Variants in KCNG2 observed in about 807,000 individuals in gnomAD.
The protein encoded by KCNG2 is potassium voltage-gated channel modifier subfamily G member 2.
Under a neutral mutation model 12.3 loss-of-function variants are expected in KCNG2, and 7 were observed. That is an observed-to-expected ratio of 0.57 (90% CI 0.32 to 1.07). The LOEUF is 1.07. KCNG2 is among the 50% of genes least tolerant of loss of function. The pLI is 0.04. For missense variants in KCNG2, 703 were observed against 726.0 expected, an observed-to-expected ratio of 0.97 and a Z score of 0.36; for synonymous variants, 414 against 351.4, an observed-to-expected ratio of 1.18 and a Z score of -1.99.
intron 1 of KCNG2, among the ~76,000 whole-genome samples, chr18:79,848,424 C>T (rs1449920673): frequency 1.3e-5 from 2 of 152,330 alleles, no homozygotes; most frequent in East Asian, 3.9e-4. Context: ...GCTCCTGCAG[C>T]ACCGGCCATC....
intron 3 of KCNG2, among the ~76,000 whole-genome samples, chr18:79,887,785 T>C (rs1046988240): frequency 1.3e-5 from 2 of 150,870 alleles, no homozygotes; most frequent in Non-Finnish European, 3.0e-5. Context: ...GCTCGGGGGG[T>C]GGCTCCCCCA....
intron 1 of KCNG2, among the ~76,000 whole-genome samples, chr18:79,851,472 G>A (rs572300683): frequency 1.3e-5 from 2 of 152,298 alleles, no homozygotes; most frequent in East Asian, 3.9e-4. Context: ...GAGTAGCTCC[G>A]GCTGGAGCGC....
rs188051162 is a variant in KCNG2 at position 79,882,597 on chromosome 18, A to G, written c.625-16443A>G. Among the ~76,000 whole-genome samples, 30 of 152,394 alleles carry G rather than the reference A, an allele frequency of 2.0e-4. 1 individual carries two copies. In the East Asian group the frequency reaches 5.6e-3, roughly 28 times the overall value. ...AGCGCTGAACTGTTATTAGGGAAAT[A>G]CAGAGTTAAGCCACAGGAGCTGTCA... On this transcript the variant is annotated intron_variant, in intron 3 of 3. Transcript: ENST00000316249.
At chr18:79,810,084 G>A (rs1193715695) in intron 1 of KCNG2, among the ~76,000 whole-genome samples, 3 of 152,216 alleles carry the variant, frequency 2.0e-5, no homozygotes, top group African/African-American at 7.2e-5. Context: ...CCTCGAGGGA[G>A]CATCCCTCAG....
chr18:79,827,630 G>A (rs1338560513), intron 1 of KCNG2, among the ~76,000 whole-genome samples: 4 of 152,258 alleles, frequency 2.6e-5, no homozygotes, highest in African/African-American at 9.6e-5. Flanking sequence ...CGGGAAGCGC[G>A]GGGAGAAGAG....
At chr18:79,850,625 C>T (rs1452278321) in intron 1 of KCNG2, among the ~76,000 whole-genome samples, 9 of 152,174 alleles carry the variant, frequency 5.9e-5, no homozygotes, top group Admixed American at 5.9e-4. Flanking sequence ...TCTTTCCCCT[C>T]GATTCTGTTA....
chr18:79,837,401 A>T (rs952535023), intron 1 of KCNG2, among the ~76,000 whole-genome samples: 1 of 152,134 alleles, frequency 6.6e-6, no homozygotes, highest in African/African-American at 2.4e-5. Flanking sequence ...TGGAGGATCT[A>T]CCATTCTGGG....
chr18:79,853,773 C>T (rs533267536), intron 1 of KCNG2, among the ~76,000 whole-genome samples: 18 of 152,364 alleles, frequency 1.2e-4, no homozygotes, highest in African/African-American at 3.4e-4. Context: ...AAAGCCTCAA[C>T]ATCTGTGCTG....
chr18:79,860,767 T>C (rs992196027), intron 2 of KCNG2, among the ~76,000 whole-genome samples: 1 of 152,192 alleles, frequency 6.6e-6, no homozygotes, highest in African/African-American at 2.4e-5. Flanking sequence ...CAAAATATAG[T>C]TTTACTTTTT....
At chr18:79,861,024 G>A (rs1290915401) in intron 2 of KCNG2, among the ~76,000 whole-genome samples, 6 of 152,146 alleles carry the variant, frequency 3.9e-5, no homozygotes, top group Admixed American at 3.9e-4. Flanking sequence ...TGTTTAATCA[G>A]GAAAGGATGT....
chr18:79,856,329 C>T (rs949670119), intron 1 of KCNG2, among the ~76,000 whole-genome samples, 50 bp from the exon 2 acceptor site: 1 of 152,186 alleles, frequency 6.6e-6, no homozygotes, highest in East Asian at 1.9e-4. Flanking sequence ...GCAGTAATAA[C>T]GCAGGTGACT....
Position 79,863,945 on chromosome 18 carries a change from T to A in KCNG2, c.278T>A (p.Leu93Gln). 1 of 1,328,616 alleles carries A rather than the reference T, an allele frequency of 7.5e-7. No individual in the cohort carries two copies. The allele number at this position is 1,328,616 out of a possible 1,614,324, so 82.3% of individuals were successfully genotyped here. ...ALLRAGKLRL[L>Q]RGPCALAFRD... ...TTGCGCGCAGGGAAGCTGCGACTGC[T>A]GCGGGGCCCGTGCGCGCTGGCCTTC... The change falls in exon 3 of 4, where the codon CTG (leucine) becomes CAG (glutamine). Residue 93 changes from leucine (L) to glutamine (Q), a missense_variant. Leu to Gln is a moderately radical substitution (Grantham distance 113). Coordinates refer to ENST00000316249, the MANE Select transcript of KCNG2 (RefSeq NM_012283.2).
intron 1 of KCNG2, among the ~76,000 whole-genome samples, 109 bp from the exon 2 acceptor site, chr18:79,856,270 G>T (rs1186197464): frequency 6.6e-6 from 1 of 152,198 alleles, no homozygotes; most frequent in Non-Finnish European, 1.5e-5. Flanking sequence ...AGCCTGGTGT[G>T]TGTGCTCGCG....
intron 3 of KCNG2, among the ~76,000 whole-genome samples, chr18:79,872,909 CCT>C (rs1411525549): frequency 1.3e-5 from 2 of 152,354 alleles, no homozygotes; most frequent in African/African-American, 4.8e-5. Flanking sequence ...CGTGTGGCCC[CCT>C]GTGTGGCGGC....
intron 3 of KCNG2, among the ~76,000 whole-genome samples, chr18:79,865,513 C>G (rs1470662582): frequency 4.7e-5 from 3 of 63,768 alleles, no homozygotes; most frequent in African/African-American, 1.5e-4. Flanking sequence ...GCTGAGAGGT[C>G]TGGGTGCTGA....
At chr18:79,821,690 C>T (rs1438520387) in intron 1 of KCNG2, among the ~76,000 whole-genome samples, 1 of 152,144 alleles carries the variant, frequency 6.6e-6, no homozygotes, top group East Asian at 1.9e-4. Flanking sequence ...GGAAGGGCCT[C>T]CTTCCTGAAT....
chr18:79,877,911 T>C (rs1252280143), intron 3 of KCNG2, among the ~76,000 whole-genome samples: 1 of 152,204 alleles, frequency 6.6e-6, no homozygotes, highest in Admixed American at 6.5e-5. Context: ...CTGGCCCCAC[T>C]CCATCCTCCA....
At chr18:79,891,571 G>A (rs117487629) in intron 3 of KCNG2, among the ~76,000 whole-genome samples, 1 of 152,246 alleles carries the variant, frequency 6.6e-6, no homozygotes, top group Non-Finnish European at 1.5e-5. Context: ...GTTTGGATAC[G>A]TTGTGTCTTC....
chr18:79,850,578 C>A (rs1449355316), intron 1 of KCNG2, among the ~76,000 whole-genome samples: 2 of 152,170 alleles, frequency 1.3e-5, no homozygotes, highest in African/African-American at 2.4e-5. Context: ...ATGTTATTTT[C>A]TTTTCTGATC....
Sources: gnomAD v4.1 joint callset for allele counts (sites outside exome capture counted in the v4.1 genomes callset) on GRCh38, gnomAD v4.1.1 for gene constraint, MANE v1.5 for transcripts, NCBI Gene and HGNC (gene_info 2026-07-23, HGNC 2026-07-21) for gene names.